TCTN3: variants seen among roughly 807,000 people sequenced by gnomAD.
The protein encoded by TCTN3 is tectonic family member 3.
Under a neutral mutation model 71.3 loss-of-function variants are expected in TCTN3, and 57 were observed. The observed-to-expected ratio is 0.80, with a 90% CI of 0.65 to 1.00. The LOEUF (loss-of-function observed/expected upper bound fraction) is 1.00. TCTN3 is among the 50% of genes least tolerant of loss of function. The pLI, the probability that TCTN3 is intolerant of heterozygous loss-of-function variation, is 0.00. For synonymous variants in TCTN3, 258 were observed against 267.8 expected (o/e 0.96, Z 0.36); for missense variants, 696 against 719.9 (o/e 0.97, Z 0.38).
chr10:95,671,579 A>T (rs1331167854), intron 13 of TCTN3, among the ~76,000 whole-genome samples: 2 of 152,232 alleles, frequency 1.3e-5, no homozygotes, highest in Non-Finnish European at 2.9e-5. Context: ...AAAATTGTGG[A>T]TACTAACTTT....
intron 13 of TCTN3, among the ~76,000 whole-genome samples, chr10:95,672,240 C>A (rs897860400): frequency 7.7e-6 from 1 of 129,046 alleles, no homozygotes; most frequent in Non-Finnish European, 1.7e-5. Context: ...ATCAGTAATT[C>A]ATTCTGTTTT....
intron 8 of TCTN3, 117 bp from the exon 9 acceptor site, chr10:95,684,741 G>A: frequency 3.5e-6 from 4 of 1,134,598 alleles, no homozygotes; most frequent in South Asian, 3.4e-5. Flanking sequence ...GACTGAAACA[G>A]TAATGTTAAA....
chr10:95,690,258 C>T (rs968090776), intron 3 of TCTN3, among the ~76,000 whole-genome samples: 2 of 152,166 alleles, frequency 1.3e-5, no homozygotes, highest in African/African-American at 4.8e-5. Context: ...TGCTGGATTA[C>T]AGGTATGAGC....
intron 13 of TCTN3, among the ~76,000 whole-genome samples, chr10:95,674,472 A>G (rs1566067138): frequency 6.6e-6 from 1 of 152,144 alleles, no homozygotes; most frequent in Non-Finnish European, 1.5e-5. Context: ...TTTTATCTAT[A>G]CACACGGATA....
At chr10:95,680,945 T>C (rs1337311696) in intron 12 of TCTN3, among the ~76,000 whole-genome samples, 12 of 149,710 alleles carry the variant, frequency 8.0e-5, no homozygotes, top group Non-Finnish European at 1.5e-4. Context: ...CTAATTTTTA[T>C]TTTTGTATTT....
chr10:95,686,873 C>A (rs2097948787), intron 6 of TCTN3, among the ~76,000 whole-genome samples, 171 bp downstream of exon 6: 1 of 152,158 alleles, frequency 6.6e-6, no homozygotes, highest in Non-Finnish European at 1.5e-5. Flanking sequence ...GCATATATAT[C>A]CCCAATTATT....
intron 13 of TCTN3, among the ~76,000 whole-genome samples, chr10:95,671,225 T>G (rs940429319): frequency 2.0e-5 from 3 of 152,218 alleles, no homozygotes; most frequent in Non-Finnish European, 4.4e-5. Context: ...TCAGCACACT[T>G]CATTTACTGT....
rs933955830 is a variant in TCTN3 at position 95,692,755 on chromosome 10, G to A, written c.499+165C>T. 5.1e-6 allele frequency: 3 copies of A among 593,838 alleles called. No individual in the cohort carries two copies. The African/African-American group carries it at 5.6e-5, about 11-fold the overall frequency. 36.8% of individuals were successfully genotyped at this position (593,838 alleles called of 1,614,324 possible). ...ATTTGTAAACTTTCTTAAAACATTT[G>A]ACATTTTTTTTGCTTTTTTTTTGTT... On this transcript the variant is annotated intron_variant, in intron 3 of 13. Coordinates refer to ENST00000371217, the MANE Select transcript of TCTN3 (RefSeq NM_015631.6).
chr10:95,668,174 A>G (rs1404564693), intron 13 of TCTN3, among the ~76,000 whole-genome samples: 2 of 151,938 alleles, frequency 1.3e-5, no homozygotes, highest in Admixed American at 6.6e-5. Flanking sequence ...AGGAAGAACA[A>G]AAAGATAAGG....
intron 11 of TCTN3, 64 bp from the exon 12 acceptor site, chr10:95,682,868 C>A (rs774068443): frequency 9.8e-6 from 15 of 1,525,640 alleles, no homozygotes; most frequent in Non-Finnish European, 9.8e-6. Flanking sequence ...TATATTAGTA[C>A]GGTATGTTAA....
In TCTN3 at chr10:95,677,474, G is replaced by GTTTTTTTTTTT. The variant is rs10654251; in HGVS notation, c.1590+2997_1590+2998insAAAAAAAAAAA. Among the ~76,000 whole-genome samples the GTTTTTTTTTTT allele has an allele frequency of 9.0e-3, 721 of 80,508 alleles. 83 individuals are homozygous for GTTTTTTTTTTT. The highest frequency in any genetic ancestry group is 0.014 in the Non-Finnish European group (452 of 33,120). 52.8% of individuals were successfully genotyped at this position (80,508 alleles called of 152,430 possible). A position where few individuals can be genotyped will look rare whatever the true frequency, so the allele number is the denominator to read the frequency against. On this transcript the variant is annotated intron_variant, in intron 13 of 13. Coordinates refer to ENST00000371217, the MANE Select transcript of TCTN3 (RefSeq NM_015631.6). ...ATACAAGAAGATAGTGAAGTCTACA[G>GTTTTTTTTTTT]TTTTTTTTGTTTTTTTTTTTTTTTT...
chr10:95,684,793 T>A (rs190035553), intron 8 of TCTN3, among the ~76,000 whole-genome samples, 169 bp from the exon 9 acceptor site: 1 of 152,344 alleles, frequency 6.6e-6, no homozygotes, highest in African/African-American at 2.4e-5. Context: ...GATGATTTCA[T>A]ATTATATTTG....
At position 95,680,519 on chromosome 10, in the gene TCTN3, C is replaced by T. The variant is rs1278346115; in HGVS notation, c.1543G>A (p.Ala515Thr). 1 of 1,614,134 alleles carries T rather than the reference C, an allele frequency of 6.2e-7. No individual in the cohort carries two copies. Among genetic ancestry groups the T allele is most frequent in the Non-Finnish European group, 8.5e-7 (1 of 1,180,022 alleles). ...AYVGLLSNPQ[A>T]HVSGVRFLYQ... Reference sequence around the variant, plus strand: ...AGGAATCGAACTCCTGATACATGAGCTTGCGGGTTGGACAGGAGACCTACA... The same window carrying T: ...AGGAATCGAACTCCTGATACATGAGTTTGCGGGTTGGACAGGAGACCTACA... The change falls in exon 13 of 14, where the codon GCT (alanine) becomes ACT (threonine). Residue 515 changes from alanine (A) to threonine (T), a missense_variant. Coordinates refer to ENST00000371217, the MANE Select transcript of TCTN3 (RefSeq NM_015631.6).
At chr10:95,678,308 G>C (rs2097939420) in intron 13 of TCTN3, among the ~76,000 whole-genome samples, 1 of 152,014 alleles carries the variant, frequency 6.6e-6, no homozygotes, top group Admixed American at 6.6e-5. Context: ...GAGGCGGGTG[G>C]ATCACCTGAG....
Position 95,672,586 on chromosome 10 carries a change from C to T in TCTN3, c.1590+7886G>A, listed in dbSNP as rs376027763. 3.4e-4 allele frequency among the ~76,000 whole-genome samples: 51 copies of T among 151,080 alleles called. No individual in the cohort carries two copies. In the East Asian group the frequency reaches 4.8e-3, roughly 14 times the overall value. On this transcript the variant is annotated intron_variant, in intron 13 of 13. Transcript: ENST00000371217. ...CTTGTGAGCATGAAGTAGTAGCGCA[C>T]GGTTTTAATTTGCATATCTCTAATG...
rs751643585 is a variant in TCTN3 at position 95,684,552 on chromosome 10, G to T, written c.1042C>A (p.Leu348Met). The change falls in exon 9 of 14, where the codon CTG becomes ATG. Residue 348 changes from leucine (L) to methionine (M), a missense_variant. Physicochemically the swap from Leu to Met is conservative, Grantham distance 15. Transcript: ENST00000371217. ...AAGGAAGCGCCTGGCTCAACAGTCA[G>T]GTTGGTTTGTCCCAAACTGACAGAA... ...KVSVSLGQTNLTVEPGASLQQ... is the reference protein window; with the variant it reads ...KVSVSLGQTNMTVEPGASLQQ... The T allele has an allele frequency of 6.2e-7, 1 of 1,614,090 alleles. No individual in the cohort carries two copies. Among genetic ancestry groups the T allele is most frequent in the South Asian group, 1.1e-5 (1 of 91,088 alleles).
At chr10:95,675,667 C>G (rs555458429) in intron 13 of TCTN3, among the ~76,000 whole-genome samples, 1 of 152,150 alleles carries the variant, frequency 6.6e-6, no homozygotes, top group African/African-American at 2.4e-5. Context: ...ACTGGTGGTG[C>G]TGCAACTGTC....
chr10:95,693,818 G>A lies in TCTN3; in HGVS notation c.82C>T (p.Pro28Ser), dbSNP rs897344363. The change falls in exon 1 of 14, where the codon CCA becomes TCA. Residue 28 changes from proline to serine, a missense_variant. By Grantham distance (74) the Pro-to-Ser change is moderately conservative (BLOSUM62 -1). Transcript: ENST00000371217. ...AAAGACGTGGGCACTGCCCCTGATG[G>A]GGAGGAAGAGGGCTGAGGCCGGACG... ...DGVRPQPSSSPSGAVPTSLEL... is the reference protein window; with the variant it reads ...DGVRPQPSSSSSGAVPTSLEL... The A allele has an allele frequency of 6.4e-7, 1 of 1,551,686 alleles. No homozygotes were observed.
At position 95,663,838 on chromosome 10, in the gene TCTN3, A is replaced by T; in HGVS notation, c.*229T>A. 1 of 459,386 alleles carries T rather than the reference A, an allele frequency of 2.2e-6. No homozygotes were observed. The highest frequency in any genetic ancestry group is 3.9e-6 in the Non-Finnish European group (1 of 253,178). The allele number at this position is 459,386 out of a possible 1,614,324, so 28.5% of individuals were successfully genotyped here. On this transcript the variant is annotated 3_prime_UTR_variant, in exon 14 of 14. Transcript: ENST00000371217. ...TCCCAGCTTGAGAAGTAGGGGCCTC[A>T]TGTGTATCTGGTGGCCTGCAGAGCC...
Sources: allele counts gnomAD v4.1 joint callset (sites outside exome capture counted in the v4.1 genomes callset), GRCh38; gene constraint gnomAD v4.1.1; transcripts MANE v1.5; gene names NCBI Gene and HGNC (gene_info 2026-07-23, HGNC 2026-07-21).